The following MSI2 variants were observed in gnomAD, a reference collection of about 807,000 sequenced individuals.
MSI2 encodes RNA-binding protein Musashi homolog 2.
MSI2 carries 17 observed loss-of-function variants against 45.6 expected under a neutral mutation model. The ratio of observed to expected loss-of-function variants is 0.37; its 90% CI spans 0.26 to 0.56. The LOEUF (loss-of-function observed/expected upper bound fraction) is 0.56. MSI2 is among the 20% of genes least tolerant of loss of function. The probability of loss-of-function intolerance (pLI) is 0.77; values close to 1 mark genes in which losing one functional copy is unlikely to be tolerated. For synonymous variants in MSI2, 156 were observed against 158.2 expected (o/e 0.99, Z 0.11); for missense variants, 293 against 444.2 (o/e 0.66, Z 3.06).
intron 6 of MSI2, among the ~76,000 whole-genome samples, chr17:57,524,552 T>A (rs189312741): frequency 1.3e-5 from 2 of 152,320 alleles, no homozygotes; most frequent in East Asian, 3.9e-4. Flanking sequence ...TAGACATGAG[T>A]TTATCTGTGA....
At position 57,616,112 on chromosome 17, in the gene MSI2, C is replaced by A. The variant is rs200819721; in HGVS notation, c.652+28C>A. ...GAGTCTGGACAGGACCGCAGGTCAC[C>A]ATGGACTGGGAGGGCTATGGAGGCC... On this transcript the variant is annotated intron_variant, in intron 9 of 13. Coordinates refer to ENST00000284073, the MANE Select transcript of MSI2 (RefSeq NM_138962.4). The A allele has an allele frequency of 3.7e-5, 58 of 1,588,798 alleles. No individual in the cohort carries two copies. In the East Asian group the frequency reaches 9.0e-4, roughly 25 times the overall value.
At chr17:57,442,366 A>C (rs983060968) in intron 6 of MSI2, among the ~76,000 whole-genome samples, 8 of 152,106 alleles carry the variant, frequency 5.3e-5, no homozygotes, top group African/African-American at 1.7e-4. Context: ...CCTTCTAGAG[A>C]CATTTGCCTT....
chr17:57,490,161 A>G (rs2085841189), intron 6 of MSI2, among the ~76,000 whole-genome samples: 1 of 152,198 alleles, frequency 6.6e-6, no homozygotes, highest in Admixed American at 6.5e-5. Flanking sequence ...CCTATCTGGA[A>G]GGGTTGCACT....
At chr17:57,386,321 C>G (rs1012750086) in intron 5 of MSI2, among the ~76,000 whole-genome samples, 3 of 152,038 alleles carry the variant, frequency 2.0e-5, no homozygotes, top group Admixed American at 6.6e-5. Flanking sequence ...AGGAACAAAG[C>G]CTTTTATCTT....
At chr17:57,674,383 G>A (rs1218768353) in intron 11 of MSI2, among the ~76,000 whole-genome samples, 2 of 150,942 alleles carry the variant, frequency 1.3e-5, no homozygotes, top group East Asian at 1.9e-4. Context: ...AAAAGAAAAA[G>A]TGAAACACAC....
In MSI2 at chr17:57,283,784, G is replaced by A. The variant is rs148335905; in HGVS notation, c.312+21592G>A. On this transcript the variant is annotated intron_variant, in intron 5 of 13. Transcript: ENST00000284073. ...AGGAGGCAGAAGACCACACGCGCAC[G>A]CGCACTCCCGGAAGCGTGGTTCAGG... Among the ~76,000 whole-genome samples, 4 of 152,316 alleles carry A rather than the reference G, an allele frequency of 2.6e-5. No homozygotes were observed. In the East Asian group the frequency reaches 5.8e-4, roughly 22 times the overall value.
chr17:57,257,594 T>G (rs1906916281), intron 3 of MSI2, 47 bp downstream of exon 3: 1 of 1,396,206 alleles, frequency 7.2e-7, no homozygotes, highest in South Asian at 1.2e-5. Context: ...GAACAAAGTT[T>G]AAGTTTTATT....
intron 6 of MSI2, among the ~76,000 whole-genome samples, chr17:57,494,141 A>G (rs149809009): frequency 1.0e-3 from 157 of 152,348 alleles, no homozygotes; most frequent in African/African-American, 3.7e-3. Flanking sequence ...TAAGGAAACA[A>G]GGCTCAGAGA....
chr17:57,270,466 A>G (rs1339491088), intron 5 of MSI2, among the ~76,000 whole-genome samples: 2 of 152,246 alleles, frequency 1.3e-5, no homozygotes, highest in Non-Finnish European at 2.9e-5. Context: ...CCTGATGGCT[A>G]TAAAATGCTC....
intron 5 of MSI2, chr17:57,286,056 TTCTG>T: frequency 1.5e-6 from 2 of 1,336,344 alleles, no homozygotes; most frequent in South Asian, 1.5e-5. Context: ...GCCAGCCTCT[TTCTG>T]TCTTTCCCTC....
chr17:57,578,559 A>T (rs1045640603), intron 7 of MSI2, among the ~76,000 whole-genome samples: 4 of 151,924 alleles, frequency 2.6e-5, no homozygotes, highest in Non-Finnish European at 5.9e-5. Context: ...TGCCCAGGGG[A>T]TGAGGGGAAG....
At chr17:57,285,688 A>G (rs575790691) in intron 5 of MSI2, among the ~76,000 whole-genome samples, 1 of 152,328 alleles carries the variant, frequency 6.6e-6, no homozygotes, top group East Asian at 1.9e-4. Flanking sequence ...ATGGAACTGA[A>G]TGTTTAAAAA....
chr17:57,350,774 C>A (rs1248201608), intron 5 of MSI2, among the ~76,000 whole-genome samples: 3 of 152,186 alleles, frequency 2.0e-5, no homozygotes, highest in African/African-American at 7.2e-5. Flanking sequence ...TCCTCTCTGT[C>A]AATACCATGG....
At chr17:57,336,798 A>C (rs1914725174) in intron 5 of MSI2, among the ~76,000 whole-genome samples, 1 of 152,168 alleles carries the variant, frequency 6.6e-6, no homozygotes, top group African/African-American at 2.4e-5. Flanking sequence ...CCGCGTAACA[A>C]ATTACCCCAG....
At chr17:57,544,665 TA>T (rs2087124620) in intron 7 of MSI2, among the ~76,000 whole-genome samples, 1 of 152,220 alleles carries the variant, frequency 6.6e-6, no homozygotes, top group African/African-American at 2.4e-5. Flanking sequence ...AACCCCCAGT[TA>T]AGTGTGTGTA....
At chr17:57,388,938 G>GCTACAGCAC (rs2083733653) in intron 5 of MSI2, among the ~76,000 whole-genome samples, 1 of 150,052 alleles carries the variant, frequency 6.7e-6, no homozygotes. Flanking sequence ...ACAGGCGTGA[G>GCTACAGCAC]CTACAGCACC....
At chr17:57,427,925 C>A (rs1401897390) in intron 6 of MSI2, among the ~76,000 whole-genome samples, 1 of 151,936 alleles carries the variant, frequency 6.6e-6, no homozygotes, top group Non-Finnish European at 1.5e-5. Flanking sequence ...TTGAATAATT[C>A]TTTAATATAT....
chr17:57,297,919 G>C (rs768472830), intron 5 of MSI2, among the ~76,000 whole-genome samples: 11 of 152,150 alleles, frequency 7.2e-5, no homozygotes, highest in Non-Finnish European at 1.3e-4. Context: ...CTTAGGCTCT[G>C]CTTACAGTTC....
At chr17:57,542,395 G>A (rs2087069441) in intron 7 of MSI2, among the ~76,000 whole-genome samples, 1 of 152,236 alleles carries the variant, frequency 6.6e-6, no homozygotes, top group Admixed American at 6.5e-5. Flanking sequence ...TGTAGAGACA[G>A]GGTTGGTTAG....
Sources: allele counts gnomAD v4.1 joint callset (sites outside exome capture counted in the v4.1 genomes callset), GRCh38; gene constraint gnomAD v4.1.1; transcripts MANE v1.5; gene names NCBI Gene and HGNC (gene_info 2026-07-23, HGNC 2026-07-21).